Variants in SPATA17 observed in about 807,000 individuals in gnomAD.
The protein encoded by SPATA17 is spermatogenesis-associated protein 17.
Under a neutral mutation model 62.2 loss-of-function variants are expected in SPATA17, and 53 were observed. That is an observed-to-expected ratio of 0.85 (90% CI 0.68 to 1.07). The LOEUF (loss-of-function observed/expected upper bound fraction) is 1.07, where lower values mean the gene tolerates loss of function less well. Among genes scored for constraint, SPATA17 ranks in the 50% least tolerant of loss-of-function variants. The pLI, the probability that SPATA17 is intolerant of heterozygous loss-of-function variation, is 0.00. For synonymous variants in SPATA17, 146 were observed against 146.8 expected (o/e 0.99, Z 0.04); for missense variants, 466 against 425.5 (o/e 1.10, Z -0.84).
chr1:217,659,687 G>C (rs1670523725), intron 3 of SPATA17, among the ~76,000 whole-genome samples: 1 of 151,870 alleles, frequency 6.6e-6, no homozygotes, highest in Admixed American at 6.6e-5. Context: ...GATGTCCCTC[G>C]GGTGGCCCAA....
chr1:217,738,730 T>C (rs1423965595), intron 5 of SPATA17, among the ~76,000 whole-genome samples: 1 of 152,210 alleles, frequency 6.6e-6, no homozygotes, highest in African/African-American at 2.4e-5. Context: ...GGCTGGTGGA[T>C]TACCTGAGGT....
chr1:217,689,742 T>G (rs1031317383), intron 5 of SPATA17, among the ~76,000 whole-genome samples: 2 of 152,174 alleles, frequency 1.3e-5, no homozygotes, highest in Non-Finnish European at 1.5e-5. Context: ...CTTGTCCTGA[T>G]GGCAAATTTC....
chr1:217,702,861 A>T (rs535653582), intron 5 of SPATA17, among the ~76,000 whole-genome samples: 17 of 151,646 alleles, frequency 1.1e-4, no homozygotes, highest in African/African-American at 3.9e-4. Context: ...TTTTTTTTTC[A>T]GGTATTTGAA....
chr1:217,661,272 T>A (rs1000742480), intron 3 of SPATA17, among the ~76,000 whole-genome samples: 2 of 150,678 alleles, frequency 1.3e-5, no homozygotes, highest in African/African-American at 2.5e-5. Context: ...AAAACAGTGA[T>A]GTTATATCAC....
chr1:217,765,412 T>G (rs1673275695), intron 6 of SPATA17, among the ~76,000 whole-genome samples: 1 of 151,884 alleles, frequency 6.6e-6, no homozygotes, highest in Non-Finnish European at 1.5e-5. Context: ...TGCAATAAAT[T>G]TTCCTTTAAG....
chr1:217,792,260 G>T (rs902433653), intron 8 of SPATA17, among the ~76,000 whole-genome samples: 4 of 152,142 alleles, frequency 2.6e-5, no homozygotes, highest in African/African-American at 9.7e-5. Flanking sequence ...CACTGTCTCA[G>T]AGCTTTCTTA....
chr1:217,867,932 G>T lies in SPATA17; in HGVS notation c.*913G>T, dbSNP rs1400553512. The T allele has an allele frequency of 6.6e-6, 1 of 152,104 alleles. No homozygotes were observed. The highest frequency in any genetic ancestry group is 1.5e-5 in the Non-Finnish European group (1 of 68,026). 9.4% of individuals were successfully genotyped at this position (152,104 alleles called of 1,614,324 possible). A position where few individuals can be genotyped will look rare whatever the true frequency, so the allele number is the denominator to read the frequency against. ...AGAGGGACAGGAAATGTGATTTATT[G>T]ACCATAAAAGCTTTAATTTAAAATT... On this transcript the variant is annotated 3_prime_UTR_variant, in exon 11 of 11. Transcript: ENST00000366933.
Position 217,749,979 on chromosome 1 carries a change from C to CTATATA in SPATA17, c.519+7882_519+7883insATATAT, listed in dbSNP as rs1421804013. On this transcript the variant is annotated intron_variant, in intron 6 of 10. Transcript: ENST00000366933. ...TCTCTCTCTCTCTCTCTCTCTCTCT[C>CTATATA]TCTCTCTATATATATATATATATAT... 6.5e-3 allele frequency among the ~76,000 whole-genome samples: 200 copies of CTATATA among 30,780 alleles called. 1 individual carries two copies. Among genetic ancestry groups the CTATATA allele is most frequent in the Middle Eastern group, 0.014 (1 of 72 alleles). The allele number at this position is 30,780 out of a possible 152,430, so 20.2% of individuals were successfully genotyped here.
intron 9 of SPATA17, among the ~76,000 whole-genome samples, chr1:217,802,814 C>T (rs577611178): frequency 6.6e-6 from 1 of 152,190 alleles, no homozygotes; most frequent in Admixed American, 6.5e-5. Context: ...CAAATACATT[C>T]TTTCCATCTC....
intron 9 of SPATA17, among the ~76,000 whole-genome samples, chr1:217,807,242 G>C (rs574948874): frequency 1.2e-3 from 185 of 151,960 alleles, no homozygotes; most frequent in East Asian, 2.5e-3. Context: ...ATAGATACTG[G>C]GGTCTCCAAA....
intron 9 of SPATA17, among the ~76,000 whole-genome samples, chr1:217,804,492 T>C (rs950300821): frequency 1.3e-5 from 2 of 152,202 alleles, no homozygotes; most frequent in African/African-American, 4.8e-5. Context: ...AATTATTTTT[T>C]GGATATGACC....
chr1:217,663,039 A>G (rs934688928), intron 3 of SPATA17, among the ~76,000 whole-genome samples: 1 of 152,196 alleles, frequency 6.6e-6, no homozygotes, highest in Non-Finnish European at 1.5e-5. Context: ...CATAATTATA[A>G]TATAAGTTTA....
At chr1:217,857,582 C>A (rs982250824) in intron 9 of SPATA17, among the ~76,000 whole-genome samples, 4 of 152,096 alleles carry the variant, frequency 2.6e-5, no homozygotes, top group Non-Finnish European at 5.9e-5. Context: ...TGACACTGTG[C>A]AAGTGTGCAG....
rs1676077545 is a variant in SPATA17 at position 217,869,042 on chromosome 1, AC to A, written c.*2024del. 1 of 152,224 alleles carries A rather than the reference AC, an allele frequency of 6.6e-6. No homozygotes were observed. Among genetic ancestry groups the A allele is most frequent in the African/African-American group, 2.4e-5 (1 of 41,446 alleles). The allele number at this position is 152,224 out of a possible 1,614,324, so 9.4% of individuals were successfully genotyped here. ...GGCCAAGGTTAAGGACATGCCCTTG[AC>A]ACTGCACCTGTCAGTACAGGTCCTG... On this transcript the variant is annotated 3_prime_UTR_variant, in exon 11 of 11. Transcript: ENST00000366933.
At chr1:217,635,524 C>T in intron 1 of SPATA17, among the ~76,000 whole-genome samples, 1 of 151,608 alleles carries the variant, frequency 6.6e-6, no homozygotes, top group South Asian at 2.1e-4. Context: ...TCCAACATGG[C>T]AAAACCCTGT....
intron 9 of SPATA17, among the ~76,000 whole-genome samples, chr1:217,811,286 C>T (rs1674580369): frequency 6.6e-6 from 1 of 152,074 alleles, no homozygotes; most frequent in Admixed American, 6.6e-5. Context: ...CCAAGGCTTC[C>T]CAAAGTGCTG....
intron 1 of SPATA17, among the ~76,000 whole-genome samples, chr1:217,646,356 T>G (rs1429148207): frequency 6.6e-6 from 1 of 152,208 alleles, no homozygotes; most frequent in African/African-American, 2.4e-5. Flanking sequence ...ACACTAACAC[T>G]TGGTATAGTC....
At chr1:217,849,008 T>G (rs1675588278) in intron 9 of SPATA17, among the ~76,000 whole-genome samples, 1 of 152,150 alleles carries the variant, frequency 6.6e-6, no homozygotes, top group Non-Finnish European at 1.5e-5. Context: ...AATAGCAGCT[T>G]GTACTTGTTT....
intron 5 of SPATA17, among the ~76,000 whole-genome samples, chr1:217,731,171 A>T (rs1189300351): frequency 6.6e-6 from 1 of 151,934 alleles, no homozygotes; most frequent in East Asian, 1.9e-4. Flanking sequence ...CTTAAATATT[A>T]GTGTAGTGTA....
Sources: allele counts gnomAD v4.1 joint callset (sites outside exome capture counted in the v4.1 genomes callset), GRCh38; gene constraint gnomAD v4.1.1; transcripts MANE v1.5; gene names NCBI Gene and HGNC (gene_info 2026-07-23, HGNC 2026-07-21).